Variants in ANXA10 observed in about 807,000 individuals in gnomAD.
ANXA10 encodes the protein annexin A10.
A neutral mutation model predicts 53.5 loss-of-function variants in ANXA10; 49 were observed. The ratio of observed to expected loss-of-function variants is 0.92; its 90% CI spans 0.73 to 1.16. ANXA10 has a LOEUF of 1.16. Ranked by LOEUF, ANXA10 falls within the 50% of genes most tolerant of loss-of-function variation. The probability of loss-of-function intolerance (pLI) is 0.00; values close to 1 mark genes in which losing one functional copy is unlikely to be tolerated. For missense variants in ANXA10, 393 were observed against 394.4 expected, an observed-to-expected ratio of 1.00 and a Z score of 0.03; for synonymous variants, 131 against 128.9, an observed-to-expected ratio of 1.02 and a Z score of -0.11.
intron 3 of ANXA10, among the ~76,000 whole-genome samples, chr4:168,156,216 TGTA>T (rs1731668394): frequency 1.1e-4 from 2 of 18,348 alleles, no homozygotes; most frequent in East Asian, 1.0e-3. Context: ...TTATATTATA[TGTA>T]ATATGTATTA....
intron 2 of ANXA10, among the ~76,000 whole-genome samples, chr4:168,130,313 T>G (rs1354461039): frequency 6.6e-6 from 1 of 152,160 alleles, no homozygotes; most frequent in Non-Finnish European, 1.5e-5. Context: ...ATATCTGGAA[T>G]AAATCCCACT....
chr4:168,152,925 C>A (rs1029053047), intron 3 of ANXA10, among the ~76,000 whole-genome samples: 2 of 151,880 alleles, frequency 1.3e-5, no homozygotes, highest in Admixed American at 1.3e-4. Flanking sequence ...CTCACTGCAG[C>A]CTCACCCTCA....
intron 1 of ANXA10, among the ~76,000 whole-genome samples, chr4:168,126,462 C>T (rs1731071128): frequency 6.6e-6 from 1 of 152,170 alleles, no homozygotes; most frequent in Non-Finnish European, 1.5e-5. Context: ...AATTGTATCA[C>T]TCTCTTACTT....
At chr4:168,165,887 G>C (rs894628413) in intron 6 of ANXA10, among the ~76,000 whole-genome samples, 1 of 152,068 alleles carries the variant, frequency 6.6e-6, no homozygotes, top group Non-Finnish European at 1.5e-5. Flanking sequence ...ATGTTGGCAA[G>C]GCTGGTCTCA....
At chr4:168,100,089 A>G (rs1730616322) in intron 1 of ANXA10, among the ~76,000 whole-genome samples, 1 of 152,158 alleles carries the variant, frequency 6.6e-6, no homozygotes, top group African/African-American at 2.4e-5. Flanking sequence ...AATCAGTTGT[A>G]GAAATTTTTA....
chr4:168,121,474 A>C (rs571042032), intron 1 of ANXA10, among the ~76,000 whole-genome samples: 1 of 152,210 alleles, frequency 6.6e-6, no homozygotes, highest in Non-Finnish European at 1.5e-5. Context: ...GTTAAATTCT[A>C]TAAAATTACA....
rs183603389 is a variant in ANXA10, at chr4:168,120,382, C to T, written c.19-7702C>T. Among the ~76,000 whole-genome samples, 14 of 152,160 alleles carry T rather than the reference C, an allele frequency of 9.2e-5. No individual in the cohort carries two copies. The East Asian group carries it at 2.5e-3, about 27-fold the overall frequency. ...AATTTTCACCTCAAGTAAAACATCA[C>T]TCATAAGCACATCTTGGGGGAAAAA... is the stretch of plus-strand genomic sequence containing the variant. On this transcript the variant is annotated intron_variant, in intron 1 of 11. Coordinates refer to ENST00000359299, the MANE Select transcript of ANXA10 (RefSeq NM_007193.5).
intron 2 of ANXA10, among the ~76,000 whole-genome samples, chr4:168,129,556 C>T (rs184466370): frequency 5.3e-5 from 8 of 152,082 alleles, no homozygotes; most frequent in Non-Finnish European, 1.0e-4. Flanking sequence ...TTTGATTGCA[C>T]GGTGTCCACT....
chr4:168,167,034 A>G (rs771631054), intron 6 of ANXA10, among the ~76,000 whole-genome samples: 9 of 152,134 alleles, frequency 5.9e-5, no homozygotes, highest in Non-Finnish European at 1.3e-4. Flanking sequence ...CGCAAGGTAG[A>G]TAATTGTCTA....
intron 2 of ANXA10, among the ~76,000 whole-genome samples, chr4:168,135,580 C>T (rs926980470): frequency 1.3e-5 from 2 of 152,152 alleles, no homozygotes; most frequent in African/African-American, 4.8e-5. Context: ...CAAAATTCAT[C>T]TAAACTAGTT....
chr4:168,121,987 C>T (rs943748872), intron 1 of ANXA10, among the ~76,000 whole-genome samples: 1 of 150,320 alleles, frequency 6.7e-6, no homozygotes, highest in Admixed American at 6.7e-5. Flanking sequence ...GGATTACAGG[C>T]GCCCACCACC....
intron 1 of ANXA10, among the ~76,000 whole-genome samples, chr4:168,102,483 G>A (rs1173995215): frequency 2.6e-5 from 4 of 152,016 alleles, no homozygotes; most frequent in Admixed American, 2.6e-4. Flanking sequence ...GAATGTCATG[G>A]GAACAGAGTC....
chr4:168,122,439 C>T (rs1286226981), intron 1 of ANXA10, among the ~76,000 whole-genome samples: 2 of 152,124 alleles, frequency 1.3e-5, no homozygotes, highest in East Asian at 1.9e-4. Flanking sequence ...ATTCCACTTG[C>T]GTGAATTACA....
Position 168,164,308 on chromosome 4 carries a change from T to C in ANXA10, c.400+20T>C. On this transcript the variant is annotated intron_variant, in intron 5 of 11. Coordinates refer to ENST00000359299, the MANE Select transcript of ANXA10 (RefSeq NM_007193.5). ...GCTTGCGTAAGGAAATATACATATG[T>C]GAATATATTTTACACATATAAGAAC... The C allele has an allele frequency of 7.1e-6, 11 of 1,544,744 alleles. No homozygotes were observed. Among genetic ancestry groups the C allele is most frequent in the Non-Finnish European group, 8.9e-6 (10 of 1,120,080 alleles).
rs143100993 is a variant in ANXA10 at position 168,138,222 on chromosome 4, A to G, written c.101-1264A>G. Reference sequence around the variant, plus strand: ...ATGATCCACCCACCTCGACCCCCCAAAGTGCTGGGATTACAGGCATGAGCC... The same window carrying G: ...ATGATCCACCCACCTCGACCCCCCAGAGTGCTGGGATTACAGGCATGAGCC... On this transcript the variant is annotated intron_variant, in intron 2 of 11. Coordinates refer to ENST00000359299, the MANE Select transcript of ANXA10 (RefSeq NM_007193.5). 1.1e-3 allele frequency among the ~76,000 whole-genome samples: 174 copies of G among 151,976 alleles called. 1 individual carries two copies. The highest frequency in any genetic ancestry group is 3.5e-3 in the African/African-American group (146 of 41,470).
chr4:168,138,641 T>A (rs1731278442), intron 2 of ANXA10, among the ~76,000 whole-genome samples: 1 of 152,170 alleles, frequency 6.6e-6, no homozygotes, highest in Non-Finnish European at 1.5e-5. Context: ...ATGACACTGA[T>A]AAGCTGATAG....
chr4:168,150,824 C>T (rs1257591734), intron 3 of ANXA10, among the ~76,000 whole-genome samples: 1 of 152,144 alleles, frequency 6.6e-6, no homozygotes, highest in East Asian at 1.9e-4. Flanking sequence ...TCAGTGGTCT[C>T]TAGCCAGGAA....
chr4:168,112,415 A>T (rs1356472607), intron 1 of ANXA10, among the ~76,000 whole-genome samples: 3 of 152,226 alleles, frequency 2.0e-5, no homozygotes. Flanking sequence ...ATATGTAAAG[A>T]TGTGAAAAGT....
intron 9 of ANXA10, among the ~76,000 whole-genome samples, chr4:168,181,376 A>G (rs953888826): frequency 4.1e-5 from 6 of 146,774 alleles, no homozygotes; most frequent in African/African-American, 1.0e-4. Flanking sequence ...GGGCGACAGA[A>G]CGAGACTCCG....
Sources: gnomAD v4.1 joint callset for allele counts (sites outside exome capture counted in the v4.1 genomes callset) on GRCh38, gnomAD v4.1.1 for gene constraint, MANE v1.5 for transcripts, NCBI Gene and HGNC (gene_info 2026-07-23, HGNC 2026-07-21) for gene names.